The following DCXR variants were observed in gnomAD, a reference collection of about 807,000 sequenced individuals.
DCXR encodes the protein L-xylulose reductase.
Under a neutral mutation model 25.9 loss-of-function variants are expected in DCXR, and 24 were observed. The observed-to-expected ratio is 0.93, with a 90% CI of 0.67 to 1.30. The LOEUF (loss-of-function observed/expected upper bound fraction) is 1.30. DCXR is among the 50% of genes most tolerant of loss of function. The pLI is 0.00. For missense variants in DCXR, 348 were observed against 333.7 expected (o/e 1.04, Z -0.33); for synonymous variants, 161 against 141.7 (o/e 1.14, Z -0.97).
At position 82,036,630 on chromosome 17, in the gene DCXR, C is replaced by A; in HGVS notation, c.362G>T (p.Gly121Val). 1 of 1,613,272 alleles carries A rather than the reference C, an allele frequency of 6.2e-7. No individual in the cohort carries two copies. The highest frequency in any genetic ancestry group is 8.5e-7 in the Non-Finnish European group (1 of 1,180,006). ...VIQVSQIVAR[G>V]LIARGVPGAI... ...CCCTGGGACTCCCCGGGCTATTAAG[C>A]CCCTGGCCACAATCTGGAATCGCAG... The change falls in exon 5 of 8, where the codon GGC becomes GTC. Residue 121 changes from glycine (G) to valine (V), a missense_variant. By Grantham distance (109) the Gly-to-Val change is moderately radical. Transcript: ENST00000306869.
Position 82,037,473 on chromosome 17 carries a change from C to G in DCXR, c.127G>C (p.Asp43His). 2.0e-6 allele frequency: 3 copies of G among 1,533,070 alleles called. No homozygotes were observed. The South Asian group carries it at 3.6e-5, about 18-fold the overall frequency. The allele number at this position is 1,533,070 out of a possible 1,614,324, so 95.0% of individuals were successfully genotyped here. ...RVVAVSRTQA[D>H]LDSLVRECPG... ...ACCTCGCGGACAAGGCTGTCAAGAT[C>G]CGCCTGAGTCCGGCTCACAGCCACC... The change falls in exon 2 of 8, where the codon GAT becomes CAT. Residue 43 changes from aspartate to histidine, a missense_variant. Physicochemically the swap from Asp to His is moderately conservative, Grantham distance 81. Transcript: ENST00000306869.
chr17:82,037,507 G>T lies in DCXR; in HGVS notation c.93C>A (p.Gly31=). Reference sequence around the variant, plus strand: ...TCCGGCTCACAGCCACCACCCGCGCGCCCGTCGCGTGCAGCGCCTGGACCG... The same window carrying T: ...TCCGGCTCACAGCCACCACCCGCGCTCCCGTCGCGTGCAGCGCCTGGACCG... ...RGTVQALHAT[G]ARVVAVSRTQ... is the part of the protein sequence containing the mutation. The change falls in exon 2 of 8, where the codon GGC becomes GGA. Residue 31 remains glycine (G), a synonymous_variant. Transcript: ENST00000306869. 1.3e-6 allele frequency: 2 copies of T among 1,540,682 alleles called. No homozygotes were observed. Among genetic ancestry groups the T allele is most frequent in the Non-Finnish European group, 1.7e-6 (2 of 1,150,578 alleles).
chr17:82,037,317 G>T (rs909865574), intron 2 of DCXR, 133 bp downstream of exon 2: 33 of 1,078,294 alleles, frequency 3.1e-5, no homozygotes, highest in Non-Finnish European at 3.5e-5. Flanking sequence ...GAGGGTGCGC[G>T]GGCGCCCAGG....
Position 82,037,558 on chromosome 17 carries a change from C to A in DCXR, c.53-11G>T, listed in dbSNP as rs1236727855. ...TGCCGCGCCCTATACCTGCCGGGAGCGGGCTCAGTGAAGGCGTCCCCTGCC... is the reference window on the plus strand; with the variant it reads ...TGCCGCGCCCTATACCTGCCGGGAGAGGGCTCAGTGAAGGCGTCCCCTGCC... On this transcript the variant is annotated splice_polypyrimidine_tract_variant and intron_variant, in intron 1 of 7. Transcript: ENST00000306869. 3 of 1,544,000 alleles carry A rather than the reference C, an allele frequency of 1.9e-6. No individual in the cohort carries two copies. In the South Asian group the frequency reaches 3.5e-5, roughly 18 times the overall value.
At chr17:82,037,377 A>T (rs536772902) in intron 2 of DCXR, 73 bp downstream of exon 2, 1 of 1,419,662 alleles carries the variant, frequency 7.0e-7, no homozygotes, top group East Asian at 2.8e-5. Context: ...TCGCGCACAG[A>T]GGTACCGCCC....
chr17:82,036,018 C>T lies in DCXR; in HGVS notation c.677G>A (p.Arg226Gln), dbSNP rs752090622. The T allele has an allele frequency of 8.1e-6, 13 of 1,613,228 alleles. No homozygotes were observed. Among genetic ancestry groups the T allele is most frequent in the African/African-American group, 1.3e-5 (1 of 74,914 alleles). ...VNAILFLLSD[R>Q]SGMTTGSTLP... ...AGTGGAACCCGTGGTCATGCCACTT[C>T]GGTCACTCAGCAGAAAGAGGATGGC... The change falls in exon 8 of 8, where the codon CGA becomes CAA. Residue 226 changes from arginine (R) to glutamine (Q), a missense_variant. Coordinates refer to ENST00000306869, the MANE Select transcript of DCXR (RefSeq NM_016286.4).
In DCXR at chr17:82,036,384, C is replaced by A. The variant is rs1460209471; in HGVS notation, c.513G>T (p.Lys171Asn). 5 of 1,613,358 alleles carry A rather than the reference C, an allele frequency of 3.1e-6. No homozygotes were observed. Among genetic ancestry groups the A allele is most frequent in the Non-Finnish European group, 4.2e-6 (5 of 1,179,978 alleles). Residue 171 changes from lysine (K) to asparagine (N), a missense_variant and splice_region_variant, in exon 6 of 8, where the codon AAG (lysine) becomes AAT (asparagine). By Grantham distance (94) the Lys-to-Asn change is moderately conservative. Transcript: ENST00000306869. ...GGGGAGGTACCCCAGCCCTGCTCAC[C>A]TTGTGGGGCCCGAGCTCTAGGGCCA... ...KVMALELGPH[K>N]IRVNAVNPTV... is the part of the protein sequence containing the mutation.
At chr17:82,037,240 C>G (rs1398546436) in intron 2 of DCXR, 2 of 846,832 alleles carry the variant, frequency 2.4e-6, no homozygotes, top group African/African-American at 3.4e-5. Context: ...CGGCCTCTTT[C>G]TGAGCCCGGG....
At chr17:82,037,148 G>A (rs777441279) in intron 2 of DCXR, 135 bp from the exon 3 acceptor site, 1 of 1,174,722 alleles carries the variant, frequency 8.5e-7, no homozygotes, top group African/African-American at 1.5e-5. Context: ...TGTGGGGCCA[G>A]CAGCCGGGCG....
At position 82,035,901 on chromosome 17, in the gene DCXR, A is replaced by T; in HGVS notation, c.*59T>A. ...TAGTCTGGGCAGCAGAATCAGGTTT[A>T]TTGGAGGGATTGGGGGTAGGATGAG... On this transcript the variant is annotated 3_prime_UTR_variant, in exon 8 of 8. Coordinates refer to ENST00000306869, the MANE Select transcript of DCXR (RefSeq NM_016286.4). The T allele has an allele frequency of 7.0e-7, 1 of 1,437,956 alleles. No individual in the cohort carries two copies. Among genetic ancestry groups the T allele is most frequent in the South Asian group, 1.2e-5 (1 of 86,400 alleles). The allele number at this position is 1,437,956 out of a possible 1,614,324, so 89.1% of individuals were successfully genotyped here.
Position 82,036,393 on chromosome 17 carries a change from C to T in DCXR, c.504G>A (p.Gly168=), listed in dbSNP as rs1310496981. 4.3e-6 allele frequency: 7 copies of T among 1,613,222 alleles called. No individual in the cohort carries two copies. In the East Asian group the frequency reaches 6.7e-5, roughly 15 times the overall value. Residue 168 remains glycine (G), a synonymous_variant, in exon 6 of 8, where the codon GGG becomes GGA. Coordinates refer to ENST00000306869, the MANE Select transcript of DCXR (RefSeq NM_016286.4). ...CCCCAGCCCTGCTCACCTTGTGGGG[C>T]CCGAGCTCTAGGGCCATCACCTTGG... is the stretch of plus-strand genomic sequence containing the variant. ...MLTKVMALEL[G]PHKIRVNAVN...
At position 82,036,912 on chromosome 17, in the gene DCXR, G is replaced by A; in HGVS notation, c.252C>T (p.Ala84=). 1 of 1,612,932 alleles carries A rather than the reference G, an allele frequency of 6.2e-7. No individual in the cohort carries two copies. The highest frequency in any genetic ancestry group is 8.5e-7 in the Non-Finnish European group (1 of 1,179,926). ...GGAAGGGCTGCAGCAGGGCGACAGC[G>A]GCGTTGTTCACCAGCAGGTCCACGG... ...VGPVDLLVNN[A]AVALLQPFLE... The change falls in exon 3 of 8, where the codon GCC becomes GCT. Residue 84 remains alanine (A), a synonymous_variant. Coordinates refer to ENST00000306869, the MANE Select transcript of DCXR (RefSeq NM_016286.4).
intron 2 of DCXR, 86 bp downstream of exon 2, chr17:82,037,364 G>T (rs866747122): frequency 1.4e-4 from 181 of 1,339,112 alleles, no homozygotes; most frequent in South Asian, 3.0e-4. Context: ...AGGGGAGGCG[G>T]AGTCGCGCAC....
At chr17:82,036,809 G>T in intron 3 of DCXR, 46 bp from the exon 4 acceptor site, 1 of 1,613,438 alleles carries the variant, frequency 6.2e-7, no homozygotes, top group Non-Finnish European at 8.5e-7. Context: ...GGGCTGCTGC[G>T]TCCTCCAGGA....
rs1389569812 is a variant in DCXR, at chr17:82,035,984, C to T, written c.711G>A (p.Val237=). Residue 237 remains valine (V), a synonymous_variant, in exon 8 of 8, where the codon GTG becomes GTA. Coordinates refer to ENST00000306869, the MANE Select transcript of DCXR (RefSeq NM_016286.4). ...SGMTTGSTLP[V]EGGFWAC ...CTCAGCAGGCCCAGAAGCCCCCTTC[C>T]ACCGGCAAAGTGGAACCCGTGGTCA... The T allele has an allele frequency of 2.5e-6, 4 of 1,613,136 alleles. No individual in the cohort carries two copies. In the African/African-American group the frequency reaches 5.3e-5, roughly 22 times the overall value.
At chr17:82,037,332 G>T in intron 2 of DCXR, 118 bp downstream of exon 2, 1 of 1,180,056 alleles carries the variant, frequency 8.5e-7, no homozygotes. Context: ...CCCAGGCCGC[G>T]GTGAGAAGCG....
At chr17:82,037,086 G>A (rs1277897413) in intron 2 of DCXR, 73 bp from the exon 3 acceptor site, 15 of 1,531,836 alleles carry the variant, frequency 9.8e-6, no homozygotes, top group African/African-American at 1.4e-5. Flanking sequence ...TGGGGCTGGT[G>A]ACCTTTCAGC....
chr17:82,036,230 T>C lies in DCXR; in HGVS notation c.592A>G (p.Lys198Glu), dbSNP rs2144167761. The change falls in exon 7 of 8, where the codon AAG becomes GAG. Residue 198 changes from lysine (K) to glutamate (E), a missense_variant. Physicochemically the swap from Lys to Glu is moderately conservative, Grantham distance 56. Coordinates refer to ENST00000306869, the MANE Select transcript of DCXR (RefSeq NM_016286.4). ...QATWSDPHKAKTMLNRIPLGK... is the reference protein window; with the variant it reads ...QATWSDPHKAETMLNRIPLGK... ...AGTGGGATTCGGTTCAGCATAGTCT[T>C]GGCCTTGTGGGGGTCACTCCAGGTG... 1 of 1,613,672 alleles carries C rather than the reference T, an allele frequency of 6.2e-7. No homozygotes were observed. Among genetic ancestry groups the C allele is most frequent in the East Asian group, 2.2e-5 (1 of 44,876 alleles).
chr17:82,036,152 C>T, intron 7 of DCXR, 39 bp downstream of exon 7: 1 of 1,608,722 alleles, frequency 6.2e-7, no homozygotes, highest in South Asian at 1.1e-5. Context: ...CACACAGGGA[C>T]TGCTGGCACC....
Sources: allele counts gnomAD v4.1 joint callset, GRCh38; gene constraint gnomAD v4.1.1; transcripts MANE v1.5; gene names NCBI Gene and HGNC (gene_info 2026-07-23, HGNC 2026-07-21).